The following PDE4D variants were observed in gnomAD, a reference collection of about 807,000 sequenced individuals.
PDE4D encodes 3',5'-cyclic-AMP phosphodiesterase 4D.
Under a neutral mutation model 87.4 loss-of-function variants are expected in PDE4D, and 24 were observed. The ratio of observed to expected loss-of-function variants is 0.27; its 90% confidence interval spans 0.20 to 0.39. The LOEUF (loss-of-function observed/expected upper bound fraction) is 0.39, where lower values mean the gene tolerates loss of function less well. Ranked by LOEUF, PDE4D falls within the 10% of genes least tolerant of loss-of-function variation. The probability of loss-of-function intolerance (pLI) is 1.00; values close to 1 mark genes in which losing one functional copy is unlikely to be tolerated. For synonymous variants in PDE4D, 384 were observed against 383.2 expected, an observed-to-expected ratio of 1.00 and a Z score of -0.02; for missense variants, 714 against 1,041.0, an observed-to-expected ratio of 0.69 and a Z score of 4.32.
In PDE4D at chr5:60,078,404, C is replaced by CT. The variant is rs979111966; in HGVS notation, c.43-89688dup. 1.1e-4 allele frequency among the ~76,000 whole-genome samples: 16 copies of CT among 151,834 alleles called. No homozygotes were observed. The South Asian group carries it at 1.2e-3, about 12-fold the overall frequency. ...ATTTTCATTGGTTGCAAGAGATTTT[C>CT]TTTTTTTTCTTTATTTTTATTTCTT... On this transcript the variant is annotated intron_variant, in intron 2 of 16. Coordinates refer to the PDE4D transcript ENST00000502484.
chr5:60,155,345 A>G (rs1188805748), intron 2 of PDE4D, among the ~76,000 whole-genome samples: 1 of 152,018 alleles, frequency 6.6e-6, no homozygotes, highest in Non-Finnish European at 1.5e-5. Flanking sequence ...GATTAGATTG[A>G]GCCCCTTTTT....
chr5:59,063,424 A>G (rs1473046921), intron 5 of PDE4D: 1 of 152,184 alleles, frequency 6.6e-6, no homozygotes, highest in African/African-American at 2.4e-5. Flanking sequence ...TTGCAGCATA[A>G]TGAATTCATT....
chr5:60,467,198 C>A (rs945633787), intron 1 of PDE4D, among the ~76,000 whole-genome samples: 1 of 152,016 alleles, frequency 6.6e-6, no homozygotes, highest in African/African-American at 2.4e-5. Context: ...CACCACCACA[C>A]CCAGCTAATT....
At chr5:59,636,997 C>T (rs1379530168) in intron 1 of PDE4D, among the ~76,000 whole-genome samples, 1 of 152,142 alleles carries the variant, frequency 6.6e-6, no homozygotes, top group East Asian at 1.9e-4. Flanking sequence ...TTGCAGTCTC[C>T]ATCTGACAAA....
intron 5 of PDE4D, among the ~76,000 whole-genome samples, chr5:59,129,390 A>G (rs1036031388): frequency 1.1e-4 from 17 of 152,266 alleles, no homozygotes; most frequent in Non-Finnish European, 2.4e-4. Context: ...GATGTAAGCC[A>G]CTGAGCCCAG....
intron 1 of PDE4D, among the ~76,000 whole-genome samples, chr5:59,702,472 A>T (rs1561504343): frequency 6.6e-6 from 1 of 152,104 alleles, no homozygotes; most frequent in Middle Eastern, 3.2e-3. Context: ...CTGAGAGAAT[A>T]AAAAAATTAA....
intron 1 of PDE4D, among the ~76,000 whole-genome samples, chr5:59,688,942 C>T (rs1017515247): frequency 1.3e-5 from 2 of 152,172 alleles, no homozygotes; most frequent in African/African-American, 4.8e-5. Context: ...CTATAAACAC[C>T]TCTATGCAAA....
At chr5:59,448,598 A>G (rs749163286) in intron 1 of PDE4D, among the ~76,000 whole-genome samples, 5 of 152,206 alleles carry the variant, frequency 3.3e-5, no homozygotes, top group Non-Finnish European at 5.9e-5. Context: ...CAATATGGAG[A>G]GTAAAAAGGA....
chr5:59,428,984 A>T (rs1795716112), intron 1 of PDE4D, among the ~76,000 whole-genome samples: 1 of 152,218 alleles, frequency 6.6e-6, no homozygotes, highest in Non-Finnish European at 1.5e-5. Flanking sequence ...TGTAAAATAC[A>T]CTGTGATGCC....
intron 1 of PDE4D, among the ~76,000 whole-genome samples, chr5:60,408,766 T>C (rs970902772): frequency 2.6e-5 from 4 of 152,196 alleles, no homozygotes; most frequent in Non-Finnish European, 5.9e-5. Flanking sequence ...ACCATCACTA[T>C]AGAACAAAAT....
intron 2 of PDE4D, among the ~76,000 whole-genome samples, chr5:60,146,696 T>A (rs1254253388): frequency 1.3e-5 from 2 of 152,168 alleles, no homozygotes; most frequent in Non-Finnish European, 2.9e-5. Context: ...AAACAGCCTA[T>A]ACAATAACAA....
intron 2 of PDE4D, among the ~76,000 whole-genome samples, chr5:60,135,474 T>C (rs1177917424): frequency 6.6e-6 from 1 of 151,982 alleles, no homozygotes; most frequent in Non-Finnish European, 1.5e-5. Context: ...CAAGATGAGC[T>C]ATGAAAAAAA....
chr5:59,103,749 AT>A (rs1320104186), intron 5 of PDE4D, among the ~76,000 whole-genome samples: 1 of 152,252 alleles, frequency 6.6e-6, no homozygotes, highest in Admixed American at 6.5e-5. Flanking sequence ...ACTGATTTGA[AT>A]AAAATGAATT....
chr5:60,303,457 C>T (rs1300341717), intron 1 of PDE4D, among the ~76,000 whole-genome samples: 24 of 151,806 alleles, frequency 1.6e-4, no homozygotes, highest in Admixed American at 2.6e-4. Context: ...TACAGGCGCG[C>T]GCCACCACGC....
intron 1 of PDE4D, among the ~76,000 whole-genome samples, chr5:59,379,941 C>G (rs387997): frequency 0.4 from 60,286 of 151,616 alleles, 12,219 homozygotes; most frequent in South Asian, 0.51. Context: ...CCCAGGTGGT[C>G]AGCATTGTAC....
intron 1 of PDE4D, among the ~76,000 whole-genome samples, chr5:59,548,042 G>A (rs1817559974): frequency 6.6e-6 from 1 of 152,188 alleles, no homozygotes; most frequent in South Asian, 2.1e-4. Flanking sequence ...GAGACAGAAG[G>A]AGAGAAAGAG....
chr5:59,131,687 C>T (rs1369774830), intron 5 of PDE4D, among the ~76,000 whole-genome samples: 1 of 145,086 alleles, frequency 6.9e-6, no homozygotes, highest in Admixed American at 6.8e-5. Flanking sequence ...AGATGACTGC[C>T]CTTTTTGTCC....
intron 1 of PDE4D, among the ~76,000 whole-genome samples, chr5:59,647,221 C>G (rs1742615183): frequency 6.6e-6 from 1 of 152,026 alleles, no homozygotes; most frequent in South Asian, 2.1e-4. Context: ...GACCACAAAG[C>G]TGGTGTACAA....
intron 1 of PDE4D, among the ~76,000 whole-genome samples, chr5:59,433,605 T>C (rs1018554413): frequency 6.6e-6 from 1 of 152,074 alleles, no homozygotes; most frequent in East Asian, 1.9e-4. Context: ...CTACCATCCA[T>C]ACCAGGCCTA....
Sources: allele counts gnomAD v4.1 joint callset (sites outside exome capture counted in the v4.1 genomes callset), GRCh38; gene constraint gnomAD v4.1.1; transcripts MANE v1.5; gene names NCBI Gene and HGNC (gene_info 2026-07-23, HGNC 2026-07-21).